The following MYO7B variants were observed in gnomAD, a reference collection of about 807,000 sequenced individuals.
MYO7B encodes the protein myosin VIIB.
A neutral mutation model predicts 259.7 loss-of-function variants in MYO7B; 212 were observed. The observed-to-expected ratio is 0.82, with a 90% CI of 0.73 to 0.91. The LOEUF (loss-of-function observed/expected upper bound fraction) is 0.91. Among genes scored for constraint, MYO7B ranks in the 40% least tolerant of loss-of-function variants. The pLI is 0.00. For synonymous variants in MYO7B, 1,197 were observed against 1,166.4 expected, an observed-to-expected ratio of 1.03 and a Z score of -0.54; for missense variants, 2,732 against 2,813.5, an observed-to-expected ratio of 0.97 and a Z score of 0.66.
rs1331875889 is a variant in MYO7B, at chr2:127,576,877, C to A, written c.849+169C>A. On this transcript the variant is annotated intron_variant, in intron 8 of 47. Transcript: ENST00000409816. The surrounding 1 kb of genome is among the most constrained non-coding windows in gnomAD (Gnocchi z 4.9). ...GCCAGCCCCTCTCTGCTGGGAATCACCTTGCCCGCGTGCCTCCCGCTTCCC... is the reference window on the plus strand; with the variant it reads ...GCCAGCCCCTCTCTGCTGGGAATCAACTTGCCCGCGTGCCTCCCGCTTCCC... 1.3e-5 allele frequency among the ~76,000 whole-genome samples: 2 copies of A among 152,090 alleles called. No individual in the cohort carries two copies. Among genetic ancestry groups the A allele is most frequent in the Non-Finnish European group, 2.9e-5 (2 of 67,988 alleles).
At chr2:127,550,063 C>G (rs1693389239) in intron 1 of MYO7B, among the ~76,000 whole-genome samples, 1 of 152,046 alleles carries the variant, frequency 6.6e-6, no homozygotes, top group South Asian at 2.1e-4. Flanking sequence ...AGAAGAAAAC[C>G]AACCCTCAGC....
In MYO7B at chr2:127,611,362, G is replaced by T. The variant is rs1680381308; in HGVS notation, c.3193-888G>T. On this transcript the variant is annotated intron_variant, in intron 24 of 47. Coordinates refer to ENST00000409816, the MANE Select transcript of MYO7B (RefSeq NM_001393586.1). This position sits in a 1 kb window ranked among gnomAD's most constrained non-coding sequence, Gnocchi z 5.4. ...CATGTTGGAGGCTGGCAGCCACTCA[G>T]GGAAAAGACTCTGGGAGGCAGTCCA... Among the ~76,000 whole-genome samples the T allele has an allele frequency of 1.3e-5, 2 of 152,216 alleles. No individual in the cohort carries two copies. Among genetic ancestry groups the T allele is most frequent in the South Asian group, 4.1e-4 (2 of 4,838 alleles).
chr2:127,625,370 G>C lies in MYO7B; in HGVS notation c.4050G>C (p.Glu1350Asp), dbSNP rs367667515. ...VWSGEYSFEK[E>D]EELVELLARH... ...CGTGGGTGCCCTGGGCTGTGCAGGAGGAAGAGCTGGTTGAGCTGCTGGCCC... is the reference window on the plus strand; with the variant it reads ...CGTGGGTGCCCTGGGCTGTGCAGGACGAAGAGCTGGTTGAGCTGCTGGCCC... The change falls in exon 31 of 48, where the codon GAG becomes GAC. Residue 1350 changes from glutamate to aspartate, a missense_variant and splice_region_variant. Physicochemically the swap from Glu to Asp is conservative, Grantham distance 45. Around this residue, in one of 3 missense-constraint regions of MYO7B, gnomAD observed 1,906 missense variants for 2,026.4 expected, o/e 0.94. Transcript: ENST00000409816. 5.7e-6 allele frequency: 9 copies of C among 1,572,696 alleles called. No individual in the cohort carries two copies. The African/African-American group carries it at 6.8e-5, about 12-fold the overall frequency.
At chr2:127,618,783 G>A (rs946132711) in intron 26 of MYO7B, among the ~76,000 whole-genome samples, 1 of 152,214 alleles carries the variant, frequency 6.6e-6, no homozygotes, top group Non-Finnish European at 1.5e-5. Context: ...TTAAGCAAGA[G>A]AGGATCTTGA....
chr2:127,550,989 G>C (rs1410518335), intron 1 of MYO7B, among the ~76,000 whole-genome samples: 3 of 148,844 alleles, frequency 2.0e-5, no homozygotes, highest in Non-Finnish European at 4.4e-5. Context: ...TCTAAGAGCA[G>C]CTTATCTGGG....
At chr2:127,562,103 G>A (rs1262206312) in intron 2 of MYO7B, among the ~76,000 whole-genome samples, 2 of 152,008 alleles carry the variant, frequency 1.3e-5, no homozygotes, top group Non-Finnish European at 2.9e-5. Context: ...TGTTGGATTA[G>A]GACCACACCC....
At chr2:127,588,771 G>GGTGGATGGGTGAGTGC (rs1558819296) in intron 15 of MYO7B, among the ~76,000 whole-genome samples, 1 of 131,420 alleles carries the variant, frequency 7.6e-6, no homozygotes, top group Non-Finnish European at 1.6e-5. Context: ...TGGGTGAGTG[G>GGTGGATGGGTGAGTGC]ATGGATGGGT....
Position 127,625,954 on chromosome 2 carries a change from C to T in MYO7B, c.4215+419C>T, listed in dbSNP as rs556206302. On this transcript the variant is annotated intron_variant, in intron 31 of 47. Transcript: ENST00000409816. ...AACCCCCCAGGCCAGAGTGTATGGA[C>T]ATTCTAAACATTCGATACATATCGA... The T allele has an allele frequency of 4.0e-3, 711 of 178,644 alleles. 4 individuals are homozygous for T. Among genetic ancestry groups the T allele is most frequent in the Middle Eastern group, 0.022 (10 of 458 alleles). The allele number at this position is 178,644 out of a possible 1,614,324, so 11.1% of individuals were successfully genotyped here. A position where few individuals can be genotyped will look rare whatever the true frequency, so the allele number is the denominator to read the frequency against.
intron 19 of MYO7B, among the ~76,000 whole-genome samples, chr2:127,596,856 G>C (rs551693764): frequency 1.3e-5 from 2 of 152,252 alleles, no homozygotes; most frequent in Admixed American, 1.3e-4. Context: ...ATATCAAAGC[G>C]TATGGGTTTG....
At position 127,576,716 on chromosome 2, in the gene MYO7B, G is replaced by C. The variant is rs768939490; in HGVS notation, c.849+8G>C. 6.4e-7 allele frequency: 1 copy of C among 1,559,104 alleles called. No individual in the cohort carries two copies. Among genetic ancestry groups the C allele is most frequent in the South Asian group, 1.1e-5 (1 of 89,036 alleles). On this transcript the variant is annotated splice_region_variant and intron_variant, in intron 8 of 47. Coordinates refer to ENST00000409816, the MANE Select transcript of MYO7B (RefSeq NM_001393586.1). This position sits in a 1 kb window ranked among gnomAD's most constrained non-coding sequence, Gnocchi z 4.9. ...TACCACTACCTGACCATGGTGAGCT[G>C]CCCACCTGCCGCCTCCCAGTAGCCA... is the stretch of plus-strand genomic sequence containing the variant.
intron 1 of MYO7B, among the ~76,000 whole-genome samples, chr2:127,558,025 C>T (rs1379143062): frequency 6.6e-6 from 1 of 152,124 alleles, no homozygotes; most frequent in East Asian, 1.9e-4. Context: ...AGCTTTTGCA[C>T]AGCAAAATGA....
In MYO7B at chr2:127,597,845, C is replaced by G. The variant is rs980256796; in HGVS notation, c.2339+1289C>G. Among the ~76,000 whole-genome samples the G allele has an allele frequency of 1.3e-5, 2 of 151,952 alleles. No homozygotes were observed. The highest frequency in any genetic ancestry group is 2.9e-5 in the Non-Finnish European group (2 of 67,998). Reference sequence around the variant, plus strand: ...TAGAGATGGGGTTTCGCCATGTTACCCAAACTGGTCTCAAACTCCTGGCCT... The same window carrying G: ...TAGAGATGGGGTTTCGCCATGTTACGCAAACTGGTCTCAAACTCCTGGCCT... On this transcript the variant is annotated intron_variant, in intron 19 of 47. Transcript: ENST00000409816. This position sits in a 1 kb window ranked among gnomAD's most constrained non-coding sequence, Gnocchi z 4.8.
rs192342588 is a variant in MYO7B at position 127,603,937 on chromosome 2, G to T, written c.2340-1907G>T. ...TCACAAGGTCAGCAGTTCGAGACCAGCCTGGCCAATATGGTGAAACCCCAT... is the reference window on the plus strand; with the variant it reads ...TCACAAGGTCAGCAGTTCGAGACCATCCTGGCCAATATGGTGAAACCCCAT... On this transcript the variant is annotated intron_variant, in intron 19 of 47. Coordinates refer to ENST00000409816, the MANE Select transcript of MYO7B (RefSeq NM_001393586.1). Among the ~76,000 whole-genome samples the T allele has an allele frequency of 5.3e-5, 8 of 151,452 alleles. No individual in the cohort carries two copies. In the East Asian group the frequency reaches 7.7e-4, roughly 15 times the overall value.
chr2:127,628,387 G>A lies in MYO7B; in HGVS notation c.4476G>A (p.Gly1492=), dbSNP rs372494410. The A allele has an allele frequency of 3.7e-6, 6 of 1,600,602 alleles. No homozygotes were observed. The highest frequency in any genetic ancestry group is 1.3e-5 in the African/African-American group (1 of 74,826). The change falls in exon 34 of 48, where the codon GGG becomes GGA. Residue 1492 remains glycine, a synonymous_variant. Coordinates refer to ENST00000409816, the MANE Select transcript of MYO7B (RefSeq NM_001393586.1). This position sits in a 1 kb window ranked among gnomAD's most constrained non-coding sequence, Gnocchi z 4.8. ...TCATCTCCAGGGAGGCCCAGGGCGG[G>A]CAGAGGCTGCTGCTCTCCACGATGC... is the stretch of plus-strand genomic sequence containing the variant. ...GLATNREAQG[G]QRLLLSTMHE...
At chr2:127,610,161 C>A in intron 24 of MYO7B, 145 bp downstream of exon 24, 1 of 1,138,216 alleles carries the variant, frequency 8.8e-7, no homozygotes, top group Non-Finnish European at 1.2e-6. Flanking sequence ...AGCCCCCAGG[C>A]CATGGTGCAG....
chr2:127,550,260 C>G (rs1693396339), intron 1 of MYO7B, among the ~76,000 whole-genome samples: 1 of 152,096 alleles, frequency 6.6e-6, no homozygotes, highest in South Asian at 2.1e-4. Context: ...CCCTTGGACA[C>G]CAAGAGGTCA....
chr2:127,624,414 AG>A, intron 30 of MYO7B, 94 bp downstream of exon 30: 1 of 1,123,492 alleles, frequency 8.9e-7, no homozygotes, highest in Non-Finnish European at 1.3e-6. Context: ...GCCAGGTAGA[AG>A]GTGGGGGGGC....
At chr2:127,567,834 G>A (rs1678420939) in intron 5 of MYO7B, among the ~76,000 whole-genome samples, 1 of 152,154 alleles carries the variant, frequency 6.6e-6, no homozygotes, top group African/African-American at 2.4e-5. Flanking sequence ...ACAAATAAGT[G>A]CGTTTTTATG....
intron 27 of MYO7B, among the ~76,000 whole-genome samples, chr2:127,621,111 C>T (rs1187357460): frequency 6.6e-6 from 1 of 152,212 alleles, no homozygotes; most frequent in African/African-American, 2.4e-5. Flanking sequence ...CTGCGCATGG[C>T]ACTCAGGCTG....
Sources: gnomAD v4.1 joint callset for allele counts (sites outside exome capture counted in the v4.1 genomes callset) on GRCh38, gnomAD v4.1.1 for gene constraint, gnomAD v4.1.1 regional missense constraint, Gnocchi (gnomAD v3.1) non-coding constraint, MANE v1.5 for transcripts, NCBI Gene and HGNC (gene_info 2026-07-23, HGNC 2026-07-21) for gene names.